Variants in SLC1A1 observed in about 807,000 individuals in gnomAD.
SLC1A1 encodes the protein excitatory amino acid transporter 3.
In SLC1A1, 43 loss-of-function variants were observed where a neutral mutation model predicts 53.3. The ratio of observed to expected loss-of-function variants is 0.81; its 90% CI spans 0.63 to 1.04. SLC1A1 has a LOEUF of 1.04. Ranked by LOEUF, SLC1A1 falls within the 50% of genes least tolerant of loss-of-function variation. The probability of loss-of-function intolerance (pLI) is 0.00; values close to 1 mark genes in which losing one functional copy is unlikely to be tolerated. For missense variants in SLC1A1, 748 were observed against 664.9 expected, an observed-to-expected ratio of 1.12 and a Z score of -1.37; for synonymous variants, 307 against 243.2, an observed-to-expected ratio of 1.26 and a Z score of -2.44.
intron 1 of SLC1A1, among the ~76,000 whole-genome samples, chr9:4,496,848 A>T (rs905161055): frequency 6.6e-6 from 1 of 152,188 alleles, no homozygotes; most frequent in Admixed American, 6.5e-5. Context: ...AGGGAGCTTG[A>T]TCACATCATT....
At chr9:4,530,599 A>G (rs1013131096) in intron 1 of SLC1A1, among the ~76,000 whole-genome samples, 1 of 152,226 alleles carries the variant, frequency 6.6e-6, no homozygotes, top group Non-Finnish European at 1.5e-5. Context: ...GATAGACCAA[A>G]AGGGAAAGAT....
intron 1 of SLC1A1, among the ~76,000 whole-genome samples, chr9:4,528,344 A>C (rs145369330): frequency 6.6e-6 from 1 of 152,172 alleles, no homozygotes; most frequent in Non-Finnish European, 1.5e-5. Flanking sequence ...AGGCCGAGGC[A>C]GGCAGATCAC....
intron 1 of SLC1A1, among the ~76,000 whole-genome samples, chr9:4,533,720 G>A (rs535363228): frequency 6.6e-6 from 1 of 152,234 alleles, no homozygotes; most frequent in African/African-American, 2.4e-5. Flanking sequence ...AGACCTAACA[G>A]ACATCTACAG....
intron 4 of SLC1A1, among the ~76,000 whole-genome samples, chr9:4,565,327 G>C (rs1335110267): frequency 6.6e-6 from 1 of 152,156 alleles, no homozygotes; most frequent in Non-Finnish European, 1.5e-5. Context: ...CAAATAAAAT[G>C]AACCCTTGGT....
chr9:4,551,659 C>A (rs1183450518), intron 2 of SLC1A1, among the ~76,000 whole-genome samples: 1 of 152,128 alleles, frequency 6.6e-6, no homozygotes, highest in Non-Finnish European at 1.5e-5. Context: ...ATGAAAATTG[C>A]CATTCAAGGT....
chr9:4,541,524 GA>G (rs1817007772), intron 1 of SLC1A1, among the ~76,000 whole-genome samples: 1 of 152,070 alleles, frequency 6.6e-6, no homozygotes, highest in Non-Finnish European at 1.5e-5. Context: ...AGGAAAGAGG[GA>G]GGCTAGTCTA....
chr9:4,535,853 A>C (rs1816654754), intron 1 of SLC1A1, among the ~76,000 whole-genome samples: 1 of 152,192 alleles, frequency 6.6e-6, no homozygotes, highest in African/African-American at 2.4e-5. Context: ...ACTGGTGCCA[A>C]AACAGAGATA....
rs1328057066 is a variant in SLC1A1 at position 4,572,459 on chromosome 9, G to C, written c.767+71G>C. 7.3e-6 allele frequency: 10 copies of C among 1,366,498 alleles called. No homozygotes were observed. The Admixed American group carries it at 1.3e-4, about 18-fold the overall frequency. The allele number at this position is 1,366,498 out of a possible 1,614,324, so 84.6% of individuals were successfully genotyped here. On this transcript the variant is annotated intron_variant, in intron 7 of 11. Transcript: ENST00000262352. ...TGTCTCCTCAAAATTAGAAAGAAGA[G>C]GTTTTATGTTTGTCAACTGATGAAG...
At chr9:4,540,997 C>T (rs79510396) in intron 1 of SLC1A1, among the ~76,000 whole-genome samples, 3,049 of 152,272 alleles carry the variant, frequency 0.02, 108 homozygotes, top group African/African-American at 0.069. Context: ...ATACCAGTGT[C>T]CTTCCCAAGC....
intron 3 of SLC1A1, among the ~76,000 whole-genome samples, chr9:4,562,671 G>C (rs1819068282): frequency 6.6e-6 from 1 of 151,962 alleles, no homozygotes; most frequent in African/African-American, 2.4e-5. Flanking sequence ...TGTGGTGTTT[G>C]GTTTTTTGTT....
intron 1 of SLC1A1, among the ~76,000 whole-genome samples, chr9:4,495,552 GAGA>G (rs1324031074): frequency 6.6e-6 from 1 of 152,142 alleles, no homozygotes; most frequent in Non-Finnish European, 1.5e-5. Flanking sequence ...AGGCCATACT[GAGA>G]AGGTGACAGT....
intron 1 of SLC1A1, among the ~76,000 whole-genome samples, chr9:4,498,138 G>T (rs1820503442): frequency 6.6e-6 from 1 of 152,118 alleles, no homozygotes; most frequent in Non-Finnish European, 1.5e-5. Flanking sequence ...TCATTCCTCA[G>T]TTCATTGCTG....
At chr9:4,565,388 G>A (rs971532224) in intron 4 of SLC1A1, among the ~76,000 whole-genome samples, 6 of 152,202 alleles carry the variant, frequency 3.9e-5, no homozygotes, top group Non-Finnish European at 8.8e-5. Flanking sequence ...CTGGGACTGG[G>A]TAATTTATAA....
rs550720612 is a variant in SLC1A1, at chr9:4,533,859, C to G, written c.92-10708C>G. Among the ~76,000 whole-genome samples, 452 of 152,300 alleles carry G rather than the reference C, an allele frequency of 3.0e-3. 1 individual carries two copies. Among genetic ancestry groups the G allele is most frequent in the African/African-American group, 0.011 (440 of 41,574 alleles). ...AAGAACAGAAATTATAACAAACTGT[C>G]TCTCAGACCACAGTGCAATCAAACT... is the stretch of plus-strand genomic sequence containing the variant. On this transcript the variant is annotated intron_variant, in intron 1 of 11. Coordinates refer to ENST00000262352, the MANE Select transcript of SLC1A1 (RefSeq NM_004170.6).
At chr9:4,495,204 G>A (rs570179775) in intron 1 of SLC1A1, among the ~76,000 whole-genome samples, 6 of 152,192 alleles carry the variant, frequency 3.9e-5, no homozygotes, top group Non-Finnish European at 7.3e-5. Flanking sequence ...GCCCAGCGGC[G>A]GTTCACGCTG....
chr9:4,533,980 A>C (rs1305244368), intron 1 of SLC1A1, among the ~76,000 whole-genome samples: 1 of 152,194 alleles, frequency 6.6e-6, no homozygotes, highest in Non-Finnish European at 1.5e-5. Context: ...AACGAAATGA[A>C]GGCAGAAATA....
intron 1 of SLC1A1, among the ~76,000 whole-genome samples, chr9:4,517,485 T>C (rs1815892779): frequency 6.6e-6 from 1 of 152,206 alleles, no homozygotes; most frequent in Admixed American, 6.5e-5. Flanking sequence ...ATTTGTAAGA[T>C]TGACTCAAGA....
chr9:4,563,187 G>C (rs75127939), intron 3 of SLC1A1, among the ~76,000 whole-genome samples: 4 of 151,310 alleles, frequency 2.6e-5, no homozygotes, highest in Non-Finnish European at 5.9e-5. Context: ...GAAGACAGAA[G>C]GAGCATATAC....
At chr9:4,497,551 C>A (rs921166936) in intron 1 of SLC1A1, among the ~76,000 whole-genome samples, 14 of 152,124 alleles carry the variant, frequency 9.2e-5, no homozygotes, top group African/African-American at 3.4e-4. Flanking sequence ...CCTTGTTTGT[C>A]AAGGGAACAA....
Sources: gnomAD v4.1 joint callset for allele counts (sites outside exome capture counted in the v4.1 genomes callset) on GRCh38, gnomAD v4.1.1 for gene constraint, MANE v1.5 for transcripts, NCBI Gene and HGNC (gene_info 2026-07-23, HGNC 2026-07-21) for gene names.